MCTP1: variants seen among roughly 807,000 people sequenced by gnomAD.
MCTP1 encodes the protein multiple C2 and transmembrane domain-containing protein 1.
In MCTP1, 69 loss-of-function variants were observed where a neutral mutation model predicts 120.6. That is an observed-to-expected ratio of 0.57 (90% CI 0.47 to 0.70). The LOEUF (loss-of-function observed/expected upper bound fraction) is 0.70, where lower values mean the gene tolerates loss of function less well. Ranked by LOEUF, MCTP1 falls within the 30% of genes least tolerant of loss-of-function variation. The pLI, the probability that MCTP1 is intolerant of heterozygous loss-of-function variation, is 0.00. For missense variants in MCTP1, 1,203 were observed against 1,248.8 expected (o/e 0.96, Z 0.55); for synonymous variants, 529 against 493.1 (o/e 1.07, Z -0.96).
At chr5:95,194,374 C>G (rs1475048252) in intron 1 of MCTP1, among the ~76,000 whole-genome samples, 1 of 152,104 alleles carries the variant, frequency 6.6e-6, no homozygotes, top group East Asian at 1.9e-4. Context: ...CCTCACTCTA[C>G]TGCGTGGAAA....
intron 17 of MCTP1, among the ~76,000 whole-genome samples, chr5:94,809,047 T>C (rs978264296): frequency 6.6e-6 from 1 of 152,028 alleles, no homozygotes; most frequent in Middle Eastern, 3.2e-3. Flanking sequence ...GTGTGACAAC[T>C]AGATAGGACT....
chr5:95,260,312 A>G (rs867776339), intron 1 of MCTP1, among the ~76,000 whole-genome samples: 40 of 152,228 alleles, frequency 2.6e-4, no homozygotes, highest in African/African-American at 8.7e-4. Context: ...TCTCTATTTC[A>G]GTCTATTCCT....
chr5:95,074,246 T>C (rs981731967), intron 1 of MCTP1, among the ~76,000 whole-genome samples: 2 of 152,214 alleles, frequency 1.3e-5, no homozygotes, highest in Admixed American at 6.5e-5. Flanking sequence ...TACCATGCAG[T>C]TGAAGAGTCA....
intron 1 of MCTP1, among the ~76,000 whole-genome samples, chr5:95,217,935 C>A (rs1007592976): frequency 1.3e-5 from 2 of 151,960 alleles, no homozygotes; most frequent in Admixed American, 6.6e-5. Flanking sequence ...ATTAGATATA[C>A]CCCCCTGCCT....
chr5:94,806,547 A>T (rs1782342502), intron 17 of MCTP1, among the ~76,000 whole-genome samples: 1 of 152,198 alleles, frequency 6.6e-6, no homozygotes, highest in African/African-American at 2.4e-5. Context: ...CATCCCATCA[A>T]TTGATGCTCT....
At chr5:95,144,714 G>T (rs981818185) in intron 1 of MCTP1, among the ~76,000 whole-genome samples, 16 of 152,080 alleles carry the variant, frequency 1.1e-4, no homozygotes, top group African/African-American at 3.9e-4. Context: ...TCAGATGGTT[G>T]TACCTCTGTG....
intron 17 of MCTP1, among the ~76,000 whole-genome samples, chr5:94,805,917 A>G (rs1042156245): frequency 1.3e-5 from 2 of 150,274 alleles, no homozygotes; most frequent in Admixed American, 1.3e-4. Context: ...TAAAGGTATC[A>G]ATTATTTAGG....
chr5:94,879,219 G>T (rs1051082000), intron 12 of MCTP1, among the ~76,000 whole-genome samples: 5 of 152,100 alleles, frequency 3.3e-5, no homozygotes, highest in African/African-American at 1.2e-4. Context: ...CCATTTGCAA[G>T]GCTTGAATCA....
At chr5:94,730,625 A>G (rs953060672) in intron 19 of MCTP1, among the ~76,000 whole-genome samples, 1 of 152,178 alleles carries the variant, frequency 6.6e-6, no homozygotes, top group African/African-American at 2.4e-5. Context: ...CATGTTCTCA[A>G]TGGAAACCAG....
At chr5:94,918,774 T>C (rs1461514347) in intron 7 of MCTP1, among the ~76,000 whole-genome samples, 1 of 152,190 alleles carries the variant, frequency 6.6e-6, no homozygotes, top group Non-Finnish European at 1.5e-5. Flanking sequence ...GTGGGTTAAA[T>C]CACACGGAAA....
rs182003731 is a variant in MCTP1 at position 95,265,092 on chromosome 5, C to T, written c.720+18764G>A. Among the ~76,000 whole-genome samples, 173 of 152,244 alleles carry T rather than the reference C, an allele frequency of 1.1e-3. 1 individual carries two copies. The highest frequency in any genetic ancestry group is 1.9e-3 in the African/African-American group (79 of 41,532). On this transcript the variant is annotated intron_variant, in intron 1 of 22. Transcript: ENST00000515393. ...CTCCATCCATCCTATTAGACATCTC[C>T]GTTCCTACCCACCACTCCTCAAATG...
At chr5:94,867,687 T>G (rs1236931830) in intron 17 of MCTP1, 1 of 281,540 alleles carries the variant, frequency 3.6e-6, no homozygotes, top group African/African-American at 2.2e-5. Flanking sequence ...AGTATTCTTT[T>G]GGATTTTCTA....
intron 18 of MCTP1, among the ~76,000 whole-genome samples, chr5:94,795,252 C>T (rs773321035): frequency 3.9e-5 from 3 of 76,886 alleles, no homozygotes; most frequent in Admixed American, 1.4e-4. Flanking sequence ...GGGACCTGGG[C>T]GGGGGTGGGG....
intron 19 of MCTP1, among the ~76,000 whole-genome samples, chr5:94,757,990 T>G (rs918279962): frequency 2.0e-5 from 3 of 152,066 alleles, no homozygotes; most frequent in South Asian, 2.1e-4. Context: ...ATTAATGTCT[T>G]CAGGAAACAA....
chr5:94,752,113 A>ATATATATATATATATATATAT (rs1326046173), intron 19 of MCTP1, among the ~76,000 whole-genome samples: 1 of 31,676 alleles, frequency 3.2e-5, no homozygotes, highest in Admixed American at 3.5e-4. Context: ...AATAAAATAT[A>ATATATATATATATATATATAT]TATATATATA....
chr5:94,861,274 A>G (rs890986239), intron 17 of MCTP1, among the ~76,000 whole-genome samples: 1 of 151,860 alleles, frequency 6.6e-6, no homozygotes, highest in Admixed American at 6.6e-5. Context: ...GAGAAGGGGC[A>G]AAGTAAAATG....
At chr5:94,716,052 CAG>C (rs1257929501) in intron 19 of MCTP1, among the ~76,000 whole-genome samples, 3 of 152,216 alleles carry the variant, frequency 2.0e-5, no homozygotes, top group Non-Finnish European at 4.4e-5. Context: ...CCCGCCACCT[CAG>C]AAACTGCGGG....
intron 1 of MCTP1, chr5:95,081,474 G>C: frequency 6.2e-7 from 1 of 1,611,676 alleles, no homozygotes; most frequent in Non-Finnish European, 8.5e-7. Flanking sequence ...GCTTGCAGCT[G>C]TCTAGCATAG....
intron 1 of MCTP1, among the ~76,000 whole-genome samples, chr5:95,099,730 C>A (rs1432983466): frequency 6.6e-6 from 1 of 151,614 alleles, no homozygotes; most frequent in Non-Finnish European, 1.5e-5. Context: ...CCTCAGGGAT[C>A]TAGAACTAGA....
Sources: gnomAD v4.1 joint callset for allele counts (sites outside exome capture counted in the v4.1 genomes callset) on GRCh38, gnomAD v4.1.1 for gene constraint, MANE v1.5 for transcripts, NCBI Gene and HGNC (gene_info 2026-07-23, HGNC 2026-07-21) for gene names.